Variants in UBE4B observed in about 807,000 individuals in gnomAD.
The protein encoded by UBE4B is ubiquitin conjugation factor E4 B.
Under a neutral mutation model 148.1 loss-of-function variants are expected in UBE4B, and 27 were observed. The observed-to-expected ratio is 0.18, with a 90% confidence interval of 0.13 to 0.25. UBE4B has a LOEUF of 0.25. Among genes scored for constraint, UBE4B ranks in the 10% least tolerant of loss-of-function variants. UBE4B has a pLI of 1.00. For synonymous variants in UBE4B, 596 were observed against 619.3 expected (o/e 0.96, Z 0.56); for missense variants, 1,170 against 1,662.4 (o/e 0.70, Z 5.15).
intron 23 of UBE4B, among the ~76,000 whole-genome samples, chr1:10,163,832 C>T (rs1407008035): frequency 2.7e-5 from 4 of 150,582 alleles, no homozygotes; most frequent in Non-Finnish European, 4.4e-5. Flanking sequence ...AGTGCAGTGG[C>T]GCAATCTTGG....
intron 1 of UBE4B, among the ~76,000 whole-genome samples, chr1:10,038,075 G>A (rs911155682): frequency 6.6e-6 from 1 of 151,860 alleles, no homozygotes; most frequent in African/African-American, 2.4e-5. Flanking sequence ...GAGTTCGGGA[G>A]TTCAAGACCA....
At chr1:10,060,775 T>C (rs1054194316) in intron 1 of UBE4B, among the ~76,000 whole-genome samples, 10 of 152,112 alleles carry the variant, frequency 6.6e-5, no homozygotes, top group African/African-American at 2.4e-5. Flanking sequence ...ATTTTTTTTT[T>C]TTTGGAGCCA....
intron 14 of UBE4B, among the ~76,000 whole-genome samples, chr1:10,132,009 A>G (rs1407784921): frequency 6.6e-6 from 1 of 152,056 alleles, no homozygotes; most frequent in Admixed American, 6.6e-5. Context: ...GTGTGCCTGT[A>G]ATCCCAACTA....
In UBE4B at chr1:10,033,629, A is replaced by T; in HGVS notation, c.-42A>T. On this transcript the variant is annotated 5_prime_UTR_variant, in exon 1 of 28. Coordinates refer to ENST00000343090, the MANE Select transcript of UBE4B (RefSeq NM_001105562.3). ...CCTCCCGCCGTGGTCTCGAGAACAG[A>T]AGGATCTCTCCTTAACGCCTTTCAC... 1 of 1,514,416 alleles carries T rather than the reference A, an allele frequency of 6.6e-7. No homozygotes were observed. The highest frequency in any genetic ancestry group is 1.3e-5 in the South Asian group (1 of 77,966). 93.8% of individuals were successfully genotyped at this position (1,514,416 alleles called of 1,614,324 possible). A position where few individuals can be genotyped will look rare whatever the true frequency, so the allele number is the denominator to read the frequency against.
At chr1:10,056,147 G>A (rs971831940) in intron 1 of UBE4B, among the ~76,000 whole-genome samples, 1 of 152,162 alleles carries the variant, frequency 6.6e-6, no homozygotes, top group Non-Finnish European at 1.5e-5. Flanking sequence ...CACTCAGCAT[G>A]TTTCTCTGCC....
intron 12 of UBE4B, 116 bp downstream of exon 12, chr1:10,129,564 G>A (rs1645557019): frequency 1.4e-5 from 14 of 987,690 alleles, no homozygotes; most frequent in East Asian, 2.5e-5. Flanking sequence ...AGGTGTAGGC[G>A]GAGGTAACGT....
chr1:10,041,603 G>A (rs1643771637), intron 1 of UBE4B, among the ~76,000 whole-genome samples: 1 of 151,958 alleles, frequency 6.6e-6, no homozygotes, highest in Non-Finnish European at 1.5e-5. Context: ...CCAAAGTGCT[G>A]GGATTACAAG....
chr1:10,171,822 A>G (rs1325310363), intron 25 of UBE4B, among the ~76,000 whole-genome samples: 1 of 152,188 alleles, frequency 6.6e-6, no homozygotes, highest in Non-Finnish European at 1.5e-5. Flanking sequence ...CAGAGGTTTC[A>G]GTGAGCTGAG....
At chr1:10,127,018 G>C (rs1454864976) in intron 11 of UBE4B, 141 bp downstream of exon 11, 10 of 754,708 alleles carry the variant, frequency 1.3e-5, no homozygotes, top group Non-Finnish European at 2.2e-5. Context: ...TGGCCATGCA[G>C]AGTGTTTGGT....
At chr1:10,093,736 C>G (rs148540121) in intron 2 of UBE4B, among the ~76,000 whole-genome samples, 129 of 151,406 alleles carry the variant, frequency 8.5e-4, no homozygotes, top group African/African-American at 2.1e-3. Flanking sequence ...GCTCTGTCAC[C>G]CAGGCTGCAG....
intron 1 of UBE4B, among the ~76,000 whole-genome samples, chr1:10,040,667 G>T (rs891370566): frequency 7.9e-5 from 12 of 151,490 alleles, no homozygotes; most frequent in Admixed American, 3.9e-4. Context: ...GCCCAGGCTG[G>T]AGTGCAATGG....
rs1402990661 is a variant in UBE4B at position 10,149,245 on chromosome 1, G to A, written c.2653G>A (p.Val885Ile). Residue 885 changes from valine to isoleucine, a missense_variant, in exon 20 of 28, where the codon GTA (valine) becomes ATA (isoleucine). Val to Ile is a conservative substitution (Grantham distance 29). Around this residue, in one of 6 missense-constraint regions of UBE4B, gnomAD observed 348 missense variants for 627.2 expected, o/e 0.55. Transcript: ENST00000343090. ...ATTTGCAGCGTTGCCTGAGTTTTAT[G>A]TAGAAGATGTTGCAGAATTTTTATT... The part of the protein sequence containing the change: ...KVFAALPEFY[V>I]EDVAEFLFFI... 1.2e-6 allele frequency: 2 copies of A among 1,611,386 alleles called. No individual in the cohort carries two copies. Among genetic ancestry groups the A allele is most frequent in the South Asian group, 1.1e-5 (1 of 90,246 alleles).
At chr1:10,177,821 T>C (rs1393082547) in intron 25 of UBE4B, among the ~76,000 whole-genome samples, 1 of 152,204 alleles carries the variant, frequency 6.6e-6, no homozygotes, top group Admixed American at 6.5e-5. Flanking sequence ...CTTTACTGTT[T>C]GGCATGGCAG....
intron 2 of UBE4B, among the ~76,000 whole-genome samples, chr1:10,082,709 A>G (rs549602625): frequency 6.9e-6 from 1 of 143,976 alleles, no homozygotes; most frequent in South Asian, 2.2e-4. Context: ...TTACATAGGT[A>G]CACATGTGCC....
At chr1:10,145,138 T>G in intron 18 of UBE4B, 99 bp downstream of exon 18, 1 of 861,166 alleles carries the variant, frequency 1.2e-6, no homozygotes, top group Admixed American at 2.5e-5. Flanking sequence ...GTCCTCACTT[T>G]TTCTTTGTTA....
At position 10,179,322 on chromosome 1, in the gene UBE4B, T is replaced by G; in HGVS notation, c.3701-94T>G. ...CAGGGGCCCTTTGATTGCTGTTCCTTTGGATAGATTTTTCGCTGGTAGAAC... is the reference window on the plus strand; with the variant it reads ...CAGGGGCCCTTTGATTGCTGTTCCTGTGGATAGATTTTTCGCTGGTAGAAC... On this transcript the variant is annotated intron_variant, in intron 26 of 27. Transcript: ENST00000343090. The G allele has an allele frequency of 3.3e-6, 5 of 1,516,270 alleles. No individual in the cohort carries two copies. In the South Asian group the frequency reaches 4.9e-5, roughly 15 times the overall value. The allele number at this position is 1,516,270 out of a possible 1,614,324, so 93.9% of individuals were successfully genotyped here.
intron 1 of UBE4B, among the ~76,000 whole-genome samples, chr1:10,066,086 T>C (rs1367188737): frequency 7.5e-6 from 1 of 132,754 alleles, no homozygotes; most frequent in Non-Finnish European, 1.6e-5. Flanking sequence ...TCTACCTTCG[T>C]ACCTCCCTCC....
chr1:10,137,078 C>T lies in UBE4B; in HGVS notation c.2236C>T (p.Pro746Ser). ...DWLTELYGDQPPFSEPKFPTE... is the reference protein window; with the variant it reads ...DWLTELYGDQSPFSEPKFPTE... Reference sequence around the variant, plus strand: ...GTTATTTTTCCTAGATGGCGATCAGCCTCCATTTTCTGAGCCGAAATTCCC... The same window carrying T: ...GTTATTTTTCCTAGATGGCGATCAGTCTCCATTTTCTGAGCCGAAATTCCC... Residue 746 changes from proline to serine, a missense_variant, in exon 17 of 28, where the codon CCT becomes TCT. By Grantham distance (74) the Pro-to-Ser change is moderately conservative. Coordinates refer to ENST00000343090, the MANE Select transcript of UBE4B (RefSeq NM_001105562.3). 1 of 1,614,154 alleles carries T rather than the reference C, an allele frequency of 6.2e-7. No homozygotes were observed. The highest frequency in any genetic ancestry group is 8.5e-7 in the Non-Finnish European group (1 of 1,180,030).
chr1:10,038,327 C>T (rs938265188), intron 1 of UBE4B, among the ~76,000 whole-genome samples: 1 of 151,708 alleles, frequency 6.6e-6, no homozygotes, highest in Non-Finnish European at 1.5e-5. Flanking sequence ...TATTCCTTTC[C>T]AAATGCAGAA....
Sources: allele counts gnomAD v4.1 joint callset (sites outside exome capture counted in the v4.1 genomes callset), GRCh38; gene constraint gnomAD v4.1.1; regional missense constraint gnomAD v4.1.1; transcripts MANE v1.5; gene names NCBI Gene and HGNC (gene_info 2026-07-23, HGNC 2026-07-21).